Variants in MTOR observed in about 807,000 individuals in gnomAD.
MTOR encodes mechanistic target of rapamycin kinase, also known as serine/threonine-protein kinase mTOR.
Under a neutral mutation model 319.8 loss-of-function variants are expected in MTOR, and 70 were observed. That is an observed-to-expected ratio of 0.22 (90% confidence interval 0.18 to 0.27). The LOEUF is 0.27. Ranked by LOEUF, MTOR falls within the 10% of genes least tolerant of loss-of-function variation. The pLI is 1.00. For missense variants in MTOR, 1,890 were observed against 3,274.4 expected (o/e 0.58, Z 10.32); for synonymous variants, 1,183 against 1,211.4 (o/e 0.98, Z 0.49).
chr1:11,248,940 C>T (rs1224833293), intron 6 of MTOR, among the ~76,000 whole-genome samples: 1 of 152,082 alleles, frequency 6.6e-6, no homozygotes, highest in African/African-American at 2.4e-5. Context: ...AATCACTCAT[C>T]CTGAGTCAGG....
Position 11,107,269 on chromosome 1 carries a change from G to A in MTOR, c.*216C>T. 4 of 1,441,580 alleles carry A rather than the reference G, an allele frequency of 2.8e-6. No individual in the cohort carries two copies. Among genetic ancestry groups the A allele is most frequent in the Non-Finnish European group, 3.7e-6 (4 of 1,094,756 alleles). The allele number at this position is 1,441,580 out of a possible 1,614,324, so 89.3% of individuals were successfully genotyped here. A position where few individuals can be genotyped will look rare whatever the true frequency, so the allele number is the denominator to read the frequency against. On this transcript the variant is annotated 3_prime_UTR_variant, in exon 58 of 58. Transcript: ENST00000361445. ...GTATTACTATGTTTCACTGTCCTGG[G>A]AACCAAATCAAGCCTTGTGTTTCTG...
At chr1:11,216,466 C>A (rs1442814648) in intron 19 of MTOR, among the ~76,000 whole-genome samples, 2 of 152,020 alleles carry the variant, frequency 1.3e-5, no homozygotes, top group African/African-American at 4.8e-5. Context: ...ACAGCCTGGG[C>A]AACATGGCGA....
At position 11,134,468 on chromosome 1, in the gene MTOR, T is replaced by C. The variant is rs1317785120; in HGVS notation, c.5131-2A>G. ...CTGCATGTGCTGGAAGGCATCGATC[T>C]GTAACAGGACAAAGGCACAGAGAGC... is the stretch of plus-strand genomic sequence containing the variant. On this transcript the variant is annotated splice_acceptor_variant, in intron 36 of 57. Coordinates refer to ENST00000361445, the MANE Select transcript of MTOR (RefSeq NM_004958.4). LOFTEE classifies it high-confidence loss of function. 1 of 1,614,030 alleles carries C rather than the reference T, an allele frequency of 6.2e-7. No individual in the cohort carries two copies. Among genetic ancestry groups the C allele is most frequent in the South Asian group, 1.1e-5 (1 of 91,084 alleles).
At position 11,227,297 on chromosome 1, in the gene MTOR, C is replaced by CAAAAAAAAA. The variant is rs59546882; in HGVS notation, c.3030+1362_3030+1370dup. Among the ~76,000 whole-genome samples, 24 of 74,016 alleles carry CAAAAAAAAA rather than the reference C, an allele frequency of 3.2e-4. 1 individual carries two copies. The highest frequency in any genetic ancestry group is 1.8e-3 in the South Asian group (4 of 2,208). The allele number at this position is 74,016 out of a possible 152,430, so 48.6% of individuals were successfully genotyped here. A position where few individuals can be genotyped will look rare whatever the true frequency, so the allele number is the denominator to read the frequency against. ...TGGGCAACAAAGTGAGACTTTGTCT[C>CAAAAAAAAA]AAAAAAAAAAAAAAAAAAAAAAAAA... On this transcript the variant is annotated intron_variant, in intron 19 of 57. Transcript: ENST00000361445.
intron 54 of MTOR, among the ~76,000 whole-genome samples, chr1:11,112,507 G>A (rs1036879874): frequency 4.6e-5 from 7 of 152,218 alleles, no homozygotes; most frequent in Admixed American, 2.0e-4. Flanking sequence ...TGATAAGCTA[G>A]CAGTAATAGC....
chr1:11,153,811 G>A (rs553523376), intron 30 of MTOR, among the ~76,000 whole-genome samples: 22 of 151,908 alleles, frequency 1.4e-4, no homozygotes, highest in Non-Finnish European at 2.8e-4. Context: ...GCTCACACCC[G>A]TAATCCTAGA....
At position 11,170,494 on chromosome 1, in the gene MTOR, T is replaced by C. The variant is rs577080835; in HGVS notation, c.4254-2977A>G. Among the ~76,000 whole-genome samples, 140 of 152,034 alleles carry C rather than the reference T, an allele frequency of 9.2e-4. 1 individual carries two copies. Among genetic ancestry groups the C allele is most frequent in the Admixed American group, 2.7e-3 (42 of 15,278 alleles). On this transcript the variant is annotated intron_variant, in intron 28 of 57. Transcript: ENST00000361445. Reference sequence around the variant, plus strand: ...ACTTTGGGAGGTTGAGGCAGGAGGATTGCTTGAGCTCAGGAGTTTTAAACC... The same window carrying C: ...ACTTTGGGAGGTTGAGGCAGGAGGACTGCTTGAGCTCAGGAGTTTTAAACC...
chr1:11,257,651 C>T (rs1222186706), intron 3 of MTOR, among the ~76,000 whole-genome samples: 1 of 150,040 alleles, frequency 6.7e-6, no homozygotes, highest in East Asian at 2.0e-4. Context: ...AGGACAGATA[C>T]AATTTTCATT....
Position 11,133,771 on chromosome 1 carries a change from G to A in MTOR, c.5247-574C>T, listed in dbSNP as rs1015315719. ...TTCTCTGAAGTCAAATATCAAATCT[G>A]CAGCACAGAGTGGCACAGTGGCCCA... On this transcript the variant is annotated intron_variant, in intron 37 of 57. Transcript: ENST00000361445. The surrounding 1 kb of genome is among the most constrained non-coding windows in gnomAD (Gnocchi z 4.0). 3.9e-5 allele frequency among the ~76,000 whole-genome samples: 6 copies of A among 152,200 alleles called. No individual in the cohort carries two copies. Among genetic ancestry groups the A allele is most frequent in the African/African-American group, 1.4e-4 (6 of 41,442 alleles).
At position 11,257,169 on chromosome 1, in the gene MTOR, CAA is replaced by C. The variant is rs749562014; in HGVS notation, c.272-6_272-5del. ...CCTTCCACTCCTATGAGGCTAGCTG[CAA>C]AAGAGAGGAAGGCAAAAGGTGATGA... On this transcript the variant is annotated splice_region_variant and splice_polypyrimidine_tract_variant and intron_variant, in intron 3 of 57. Transcript: ENST00000361445. The C allele has an allele frequency of 6.2e-6, 10 of 1,609,802 alleles. No homozygotes were observed. The highest frequency in any genetic ancestry group is 2.7e-5 in the African/African-American group (2 of 74,812).
intron 38 of MTOR, chr1:11,132,815 G>A: frequency 7.9e-6 from 3 of 380,878 alleles, no homozygotes; most frequent in Non-Finnish European, 1.4e-5. Context: ...GCAGCTCAGA[G>A]TCTGTAAGAC....
At position 11,228,926 on chromosome 1, in the gene MTOR, A is replaced by C; in HGVS notation, c.2780-8T>G. 6.2e-7 allele frequency: 1 copy of C among 1,613,846 alleles called. No individual in the cohort carries two copies. The highest frequency in any genetic ancestry group is 8.5e-7 in the Non-Finnish European group (1 of 1,179,756). On this transcript the variant is annotated splice_polypyrimidine_tract_variant and splice_region_variant and intron_variant, in intron 18 of 57. Transcript: ENST00000361445. ...CACTAGTGCTATAGTCAGCTAGGAC[A>C]AAACAACAGAGAGTGTTAGAGCTAC...
In MTOR at chr1:11,130,552, G is replaced by T. The variant is rs1470936555; in HGVS notation, c.5590C>A (p.Pro1864Thr). 7 of 1,613,140 alleles carry T rather than the reference G, an allele frequency of 4.3e-6. No individual in the cohort carries two copies. Among genetic ancestry groups the T allele is most frequent in the Admixed American group, 3.3e-5 (2 of 59,944 alleles). The change falls in exon 39 of 58, where the codon CCG becomes ACG. Residue 1864 changes from proline to threonine, a missense_variant. Pro to Thr is a conservative substitution (Grantham distance 38, BLOSUM62 -1). Coordinates refer to ENST00000361445, the MANE Select transcript of MTOR (RefSeq NM_004958.4). ...ACCTCAGTGACCTTCTTCTGCAGCGGCGATGGGGTGGGGCTGTTCTCGGTG... is the reference window on the plus strand; with the variant it reads ...ACCTCAGTGACCTTCTTCTGCAGCGTCGATGGGGTGGGGCTGTTCTCGGTG... ...ESTENSPTPS[P>T]LQKKVTEDLS...
At chr1:11,256,248 G>A (rs1650385307) in intron 4 of MTOR, 56 bp from the exon 5 acceptor site, 5 of 1,566,052 alleles carry the variant, frequency 3.2e-6, no homozygotes, top group Non-Finnish European at 4.3e-6. Flanking sequence ...TGTTCTCTCA[G>A]GAGTACAGTC....
At chr1:11,195,004 C>T (rs191443471) in intron 28 of MTOR, 1 of 1,613,692 alleles carries the variant, frequency 6.2e-7, no homozygotes, top group South Asian at 1.1e-5. Context: ...AAAATCCGCC[C>T]AGAAGACTTC....
In MTOR at chr1:11,259,422, T is replaced by C; in HGVS notation, c.-13A>G. ...CGGTTCCAAGCATCTTGCCCTGAGG[T>C]TCTTTAGAGAGAAGTTTCCTTTAAT... On this transcript the variant is annotated splice_region_variant and 5_prime_UTR_variant, in exon 2 of 58. Coordinates refer to ENST00000361445, the MANE Select transcript of MTOR (RefSeq NM_004958.4). The C allele has an allele frequency of 6.5e-7, 1 of 1,532,438 alleles. No homozygotes were observed. The highest frequency in any genetic ancestry group is 8.7e-7 in the Non-Finnish European group (1 of 1,147,378). The allele number at this position is 1,532,438 out of a possible 1,614,324, so 94.9% of individuals were successfully genotyped here.
chr1:11,159,908 T>G (rs988240690), intron 29 of MTOR, among the ~76,000 whole-genome samples: 1 of 152,086 alleles, frequency 6.6e-6, no homozygotes, highest in Non-Finnish European at 1.5e-5. Flanking sequence ...ACTAAGTTGA[T>G]TAAGTTGATG....
intron 31 of MTOR, 100 bp from the exon 32 acceptor site, chr1:11,146,891 T>C (rs1041541071): frequency 2.5e-6 from 2 of 813,786 alleles, no homozygotes; most frequent in South Asian, 1.5e-5. Flanking sequence ...TTCCTTTAGC[T>C]TGGGATATAA....
intron 21 of MTOR, 97 bp from the exon 22 acceptor site, chr1:11,213,005 G>C (rs1265308773): frequency 4.1e-5 from 37 of 892,398 alleles, no homozygotes; most frequent in Non-Finnish European, 6.7e-5. Context: ...AAGTTCTCTG[G>C]GGACTGGGAA....
Sources: gnomAD v4.1 joint callset for allele counts (sites outside exome capture counted in the v4.1 genomes callset) on GRCh38, gnomAD v4.1.1 for gene constraint, Gnocchi (gnomAD v3.1) non-coding constraint, MANE v1.5 for transcripts, NCBI Gene and HGNC (gene_info 2026-07-23, HGNC 2026-07-21) for gene names.